The following TMEM260 variants were observed in gnomAD, a reference collection of about 807,000 sequenced individuals.
The protein encoded by TMEM260 is transmembrane protein 260.
In TMEM260, 82 loss-of-function variants were observed where a neutral mutation model predicts 88.9. The ratio of observed to expected loss-of-function variants is 0.92; its 90% CI spans 0.77 to 1.11. TMEM260 has a LOEUF of 1.11. TMEM260 is among the 50% of genes least tolerant of loss of function. The pLI is 0.00. For synonymous variants in TMEM260, 314 were observed against 309.3 expected (o/e 1.02, Z -0.16); for missense variants, 902 against 853.4 (o/e 1.06, Z -0.71).
intron 15 of TMEM260, among the ~76,000 whole-genome samples, chr14:56,646,821 T>G (rs1167700994): frequency 6.6e-6 from 1 of 151,882 alleles, no homozygotes; most frequent in Non-Finnish European, 1.5e-5. Flanking sequence ...TCCTTCAAGT[T>G]CTTTTTCCAG....
chr14:56,585,048 A>T lies in TMEM260; in HGVS notation c.192+16A>T. On this transcript the variant is annotated intron_variant, in intron 2 of 15. Coordinates refer to ENST00000261556, the MANE Select transcript of TMEM260 (RefSeq NM_017799.4). ...TGAGCTTGGAGTAAGTATTAGTTTT[A>T]TTGTTTAATCAATGCTCTCATTAAC... 3 of 1,609,490 alleles carry T rather than the reference A, an allele frequency of 1.9e-6. No individual in the cohort carries two copies. The highest frequency in any genetic ancestry group is 2.5e-6 in the Non-Finnish European group (3 of 1,177,356).
intron 11 of TMEM260, among the ~76,000 whole-genome samples, chr14:56,622,736 T>A (rs1888008279): frequency 6.6e-6 from 1 of 152,214 alleles, no homozygotes; most frequent in African/African-American, 2.4e-5. Context: ...CTTAAAAGAA[T>A]AATATGATGA....
At chr14:56,618,391 C>T (rs147606196) in intron 9 of TMEM260, among the ~76,000 whole-genome samples, 10 of 152,200 alleles carry the variant, frequency 6.6e-5, no homozygotes, top group African/African-American at 2.2e-4. Flanking sequence ...GGGAGATGCA[C>T]CTGTCAAACT....
chr14:56,658,650 G>A, the TMEM260 span, among the ~76,000 whole-genome samples: 43 of 152,336 alleles, frequency 2.8e-4, no homozygotes, highest in African/African-American at 9.6e-4. Context: ...AAAGACAAGA[G>A]AGTGTCCTGA....
chr14:56,630,035 T>TATC (rs1888484718), intron 12 of TMEM260, among the ~76,000 whole-genome samples: 1 of 147,660 alleles, frequency 6.8e-6, no homozygotes, highest in Non-Finnish European at 1.5e-5. Flanking sequence ...AGCAAAACCC[T>TATC]ATCTCAGAAA....
chr14:56,653,273 C>A (rs892384359), downstream of TMEM260, among the ~76,000 whole-genome samples: 1 of 152,090 alleles, frequency 6.6e-6, no homozygotes, highest in African/African-American at 2.4e-5. Context: ...TTTCATGGAA[C>A]CTTCAGTTTC....
intron 4 of TMEM260, among the ~76,000 whole-genome samples, chr14:56,605,045 G>A (rs1357462438): frequency 6.6e-6 from 1 of 152,140 alleles, no homozygotes. Context: ...GATGAACATG[G>A]AAACTCAAAA....
intron 11 of TMEM260, among the ~76,000 whole-genome samples, chr14:56,622,342 CAAAAAA>C (rs71448489): frequency 6.9e-5 from 6 of 87,246 alleles, no homozygotes; most frequent in East Asian, 3.4e-4. Flanking sequence ...GACTCCGTCT[CAAAAAA>C]AAAAAAAAAA....
Position 56,580,058 on chromosome 14 carries a change from A to G in TMEM260, c.144A>G (p.Val48=). The change falls in exon 1 of 16, where the codon GTA becomes GTG. Residue 48 remains valine, a synonymous_variant. Transcript: ENST00000261556. ...AVFTFTLPPS[V]PGGDSGELIT... ...TCACCTTCACCCTGCCCCCTTCGGT[A>G]CCGGGGGGAGACTCCGGTAAAGTAC... The G allele has an allele frequency of 1.6e-6, 2 of 1,252,176 alleles. No individual in the cohort carries two copies. The highest frequency in any genetic ancestry group is 1.5e-5 in the African/African-American group (1 of 64,874). 77.6% of individuals were successfully genotyped at this position (1,252,176 alleles called of 1,614,324 possible).
chr14:56,621,438 G>C (rs910462456), intron 10 of TMEM260, 93 bp from the exon 11 acceptor site: 8 of 885,558 alleles, frequency 9.0e-6, no homozygotes, highest in African/African-American at 1.7e-5. Flanking sequence ...TTGATTGTAT[G>C]ATGGGAAAAG....
chr14:56,647,899 C>T lies in TMEM260; in HGVS notation c.*402C>T. The T allele has an allele frequency of 6.5e-6, 1 of 152,928 alleles. No individual in the cohort carries two copies. The highest frequency in any genetic ancestry group is 1.4e-5 in the Non-Finnish European group (1 of 70,208). The allele number at this position is 152,928 out of a possible 1,614,324, so 9.5% of individuals were successfully genotyped here. Reference sequence around the variant, plus strand: ...AAATTCTTTTGATATTAATACCAGACCAAAGACATTTTCTGTTTCCTGGAA... The same window carrying T: ...AAATTCTTTTGATATTAATACCAGATCAAAGACATTTTCTGTTTCCTGGAA... On this transcript the variant is annotated 3_prime_UTR_variant, in exon 16 of 16. Transcript: ENST00000261556.
chr14:56,628,872 T>C (rs948331180), intron 12 of TMEM260, among the ~76,000 whole-genome samples: 2 of 151,290 alleles, frequency 1.3e-5, no homozygotes, highest in African/African-American at 4.8e-5. Flanking sequence ...TATCTTTTTT[T>C]AGATTAGTTG....
Position 56,618,841 on chromosome 14 carries a change from CA to C in TMEM260, c.1226+79del, listed in dbSNP as rs1887742606. ...ATATTTAGATTCTAACACTTTATTT[CA>C]TTGTTAACTTCTGGTTTTCAAGACT... On this transcript the variant is annotated intron_variant, in intron 10 of 15. Coordinates refer to ENST00000261556, the MANE Select transcript of TMEM260 (RefSeq NM_017799.4). 2.2e-6 allele frequency: 3 copies of C among 1,379,438 alleles called. No individual in the cohort carries two copies. The Admixed American group carries it at 6.1e-5, about 28-fold the overall frequency. The allele number at this position is 1,379,438 out of a possible 1,614,324, so 85.4% of individuals were successfully genotyped here.
downstream of TMEM260, among the ~76,000 whole-genome samples, chr14:56,651,124 C>T (rs1202003642): frequency 6.6e-6 from 1 of 152,064 alleles, no homozygotes; most frequent in African/African-American, 2.4e-5. Flanking sequence ...GATCTTGGCA[C>T]AGCATTACAG....
downstream of TMEM260, among the ~76,000 whole-genome samples, chr14:56,653,746 A>AACAAAAAAACAAAAAC (rs1890251247): frequency 2.3e-5 from 2 of 85,968 alleles, no homozygotes. Context: ...CAAAACAAAA[A>AACAAAAAAACAAAAAC]AAAAAAAAAC....
At chr14:56,647,158 A>T in intron 15 of TMEM260, 85 bp from the exon 16 acceptor site, 3 of 1,439,556 alleles carry the variant, frequency 2.1e-6, no homozygotes, top group African/African-American at 2.9e-5. Flanking sequence ...TTTTCTTGTT[A>T]TTAATTCCTC....
chr14:56,627,305 C>T (rs759150866), intron 12 of TMEM260, among the ~76,000 whole-genome samples: 23 of 151,964 alleles, frequency 1.5e-4, no homozygotes, highest in Non-Finnish European at 3.2e-4. Flanking sequence ...AAAACAGGGT[C>T]CTATTCACTC....
chr14:56,660,982 ACATT>A, the TMEM260 span, among the ~76,000 whole-genome samples: 112 of 152,350 alleles, frequency 7.4e-4, 1 homozygote, highest in African/African-American at 2.4e-3. Context: ...ATGTAAACAA[ACATT>A]CATCCATAGG....
intron 15 of TMEM260, among the ~76,000 whole-genome samples, chr14:56,642,813 A>C (rs575733219): frequency 6.6e-6 from 1 of 152,342 alleles, no homozygotes; most frequent in African/African-American, 2.4e-5. Flanking sequence ...TGCAATAAAA[A>C]ATGACAAAGG....
Sources: allele counts gnomAD v4.1 joint callset (sites outside exome capture counted in the v4.1 genomes callset), GRCh38; gene constraint gnomAD v4.1.1; transcripts MANE v1.5; gene names NCBI Gene and HGNC (gene_info 2026-07-23, HGNC 2026-07-21).